The following KLHL29 variants were observed in gnomAD, a reference collection of about 807,000 sequenced individuals.
KLHL29 encodes the protein kelch-like protein 29.
A neutral mutation model predicts 80.4 loss-of-function variants in KLHL29; 21 were observed. That is an observed-to-expected ratio of 0.26 (90% CI 0.19 to 0.38). KLHL29 has a LOEUF of 0.38. Ranked by LOEUF, KLHL29 falls within the 10% of genes least tolerant of loss-of-function variation. KLHL29 has a pLI of 1.00. For synonymous variants in KLHL29, 511 were observed against 526.8 expected, an observed-to-expected ratio of 0.97 and a Z score of 0.41; for missense variants, 867 against 1,223.9, an observed-to-expected ratio of 0.71 and a Z score of 4.35.
At chr2:23,447,514 A>G (rs1444348032) in intron 1 of KLHL29, among the ~76,000 whole-genome samples, 1 of 152,166 alleles carries the variant, frequency 6.6e-6, no homozygotes, top group African/African-American at 2.4e-5. Flanking sequence ...TATTTGATCA[A>G]GCATCCATGT....
intron 1 of KLHL29, among the ~76,000 whole-genome samples, chr2:23,387,240 G>C (rs1292698027): frequency 2.0e-5 from 3 of 152,234 alleles, no homozygotes; most frequent in Non-Finnish European, 4.4e-5. Context: ...GCAGCTCAGC[G>C]GCATCCCGGC....
intron 3 of KLHL29, among the ~76,000 whole-genome samples, chr2:23,626,101 TGG>T (rs34951001): frequency 4.0e-5 from 6 of 151,658 alleles, no homozygotes; most frequent in African/African-American, 1.5e-4. Context: ...TAGGAGGAGT[TGG>T]GGGGGCAGTT....
intron 2 of KLHL29, among the ~76,000 whole-genome samples, chr2:23,505,851 C>T (rs1665582867): frequency 6.6e-6 from 1 of 152,230 alleles, no homozygotes; most frequent in African/African-American, 2.4e-5. Context: ...CCCAGCCCTT[C>T]CCCTACAGGG....
chr2:23,478,835 C>T (rs575509401), intron 2 of KLHL29, among the ~76,000 whole-genome samples: 3 of 152,156 alleles, frequency 2.0e-5, no homozygotes, highest in East Asian at 3.9e-4. Flanking sequence ...CCTGTGTCTT[C>T]GGAGGAGGTT....
At chr2:23,631,206 T>C (rs1391967554) in intron 3 of KLHL29, among the ~76,000 whole-genome samples, 1 of 152,168 alleles carries the variant, frequency 6.6e-6, no homozygotes, top group African/African-American at 2.4e-5. Context: ...TCCTACCACC[T>C]GCCCCATCAC....
intron 2 of KLHL29, among the ~76,000 whole-genome samples, chr2:23,535,604 A>T: frequency 6.6e-6 from 1 of 152,232 alleles, no homozygotes; most frequent in East Asian, 1.9e-4. Flanking sequence ...GATACCTACT[A>T]CAACATAGAT....
chr2:23,679,870 C>A (rs893901108), intron 5 of KLHL29, among the ~76,000 whole-genome samples: 3 of 151,994 alleles, frequency 2.0e-5, no homozygotes, highest in Non-Finnish European at 4.4e-5. Flanking sequence ...TACTGCTTGG[C>A]CAGATGGAGG....
intron 2 of KLHL29, among the ~76,000 whole-genome samples, chr2:23,520,452 G>A (rs542770452): frequency 6.6e-6 from 1 of 152,298 alleles, no homozygotes; most frequent in Non-Finnish European, 1.5e-5. Flanking sequence ...GGTGATGGAG[G>A]AAAATAAGAA....
At chr2:23,394,979 C>A (rs1317597907) in intron 1 of KLHL29, among the ~76,000 whole-genome samples, 3 of 152,188 alleles carry the variant, frequency 2.0e-5, no homozygotes, top group Non-Finnish European at 4.4e-5. Flanking sequence ...CTGACATATG[C>A]CAAATCGGTA....
chr2:23,656,921 G>A (rs1041500724), intron 5 of KLHL29, among the ~76,000 whole-genome samples: 4 of 135,700 alleles, frequency 2.9e-5, no homozygotes, highest in Non-Finnish European at 4.6e-5. Context: ...CCCTCCCCTC[G>A]TCCCCAACAG....
In KLHL29 at chr2:23,707,472, A is replaced by T. The variant is rs1417021687; in HGVS notation, c.*808A>T. The stretch of plus-strand genomic sequence containing the variant: ...GGAATTCCCAAAGCTCTTTGTAGGT[A>T]GTGCCAGAGGGGGGCTTTTGCTCTC... On this transcript the variant is annotated 3_prime_UTR_variant, in exon 14 of 14. Transcript: ENST00000486442. 6.6e-6 allele frequency: 1 copy of T among 152,260 alleles called. No individual in the cohort carries two copies. Among genetic ancestry groups the T allele is most frequent in the African/African-American group, 2.4e-5 (1 of 41,454 alleles). 9.4% of individuals were successfully genotyped at this position (152,260 alleles called of 1,614,324 possible).
intron 5 of KLHL29, among the ~76,000 whole-genome samples, chr2:23,666,644 G>A (rs1369893875): frequency 6.6e-6 from 1 of 152,228 alleles, no homozygotes; most frequent in Non-Finnish European, 1.5e-5. Flanking sequence ...AAATGTGCAT[G>A]GGGCACTCAC....
At chr2:23,391,378 G>A (rs1248535487) in intron 1 of KLHL29, among the ~76,000 whole-genome samples, 1 of 152,200 alleles carries the variant, frequency 6.6e-6, no homozygotes, top group African/African-American at 2.4e-5. Context: ...AAGACATCCT[G>A]TTTTCAGTGT....
intron 2 of KLHL29, among the ~76,000 whole-genome samples, chr2:23,502,422 G>A (rs966490740): frequency 2.0e-5 from 3 of 152,248 alleles, no homozygotes; most frequent in African/African-American, 7.2e-5. Flanking sequence ...CCGGGAGGGA[G>A]TCGGGTGTTT....
At chr2:23,552,284 G>C (rs1207716301) in intron 2 of KLHL29, among the ~76,000 whole-genome samples, 1 of 152,254 alleles carries the variant, frequency 6.6e-6, no homozygotes, top group Non-Finnish European at 1.5e-5. Flanking sequence ...GGCCATGCTG[G>C]CTGTGCGCGT....
chr2:23,524,564 A>G lies in KLHL29; in HGVS notation c.-45-37588A>G, dbSNP rs1666235433. On this transcript the variant is annotated intron_variant, in intron 2 of 13. Coordinates refer to ENST00000486442, the MANE Select transcript of KLHL29 (RefSeq NM_052920.2). ...AGCAACATGATCTCTGCTCTGCCCA[A>G]GTGAGGAGGAACATGCTTGCGGGCA... 2.0e-5 allele frequency among the ~76,000 whole-genome samples: 3 copies of G among 151,192 alleles called. No individual in the cohort carries two copies. The South Asian group carries it at 6.4e-4, about 32-fold the overall frequency.
At chr2:23,605,073 A>AG (rs1200164799) in intron 3 of KLHL29, among the ~76,000 whole-genome samples, 1 of 135,836 alleles carries the variant, frequency 7.4e-6, no homozygotes, top group African/African-American at 2.7e-5. Flanking sequence ...AGCCACTGGG[A>AG]GGGCAGCGTG....
chr2:23,548,344 G>GGCACACAGGCAC (rs1667033316), intron 2 of KLHL29, among the ~76,000 whole-genome samples: 2 of 148,432 alleles, frequency 1.3e-5, no homozygotes, highest in East Asian at 3.9e-4. Context: ...CACACACACA[G>GGCACACAGGCAC]GCACACAGGC....
chr2:23,602,613 A>T (rs921846788), intron 3 of KLHL29, among the ~76,000 whole-genome samples: 80 of 140,344 alleles, frequency 5.7e-4, no homozygotes, highest in Non-Finnish European at 9.7e-4. Flanking sequence ...CTCTACGTGA[A>T]TTTTTTTTTT....
Sources: gnomAD v4.1 joint callset for allele counts (sites outside exome capture counted in the v4.1 genomes callset) on GRCh38, gnomAD v4.1.1 for gene constraint, MANE v1.5 for transcripts, NCBI Gene and HGNC (gene_info 2026-07-23, HGNC 2026-07-21) for gene names.